SGPP1: variants seen among roughly 807,000 people sequenced by gnomAD.
SGPP1 encodes the protein sphingosine-1-phosphate phosphatase 1.
SGPP1 carries 21 observed loss-of-function variants against 33.0 expected under a neutral mutation model. That is an observed-to-expected ratio of 0.64 (90% CI 0.45 to 0.92). The LOEUF is 0.92. Among genes scored for constraint, SGPP1 ranks in the 40% least tolerant of loss-of-function variants. The pLI, the probability that SGPP1 is intolerant of heterozygous loss-of-function variation, is 0.00. For missense variants in SGPP1, 543 were observed against 589.4 expected (o/e 0.92, Z 0.81); for synonymous variants, 239 against 241.2 (o/e 0.99, Z 0.08).
chr14:63,710,922 G>A (rs1885507424), intron 1 of SGPP1, among the ~76,000 whole-genome samples: 1 of 152,086 alleles, frequency 6.6e-6, no homozygotes, highest in Admixed American at 6.6e-5. Flanking sequence ...TATAAATGGG[G>A]ATACTAAGAC....
chr14:63,707,320 T>C (rs1885436080), intron 1 of SGPP1, among the ~76,000 whole-genome samples: 1 of 152,006 alleles, frequency 6.6e-6, no homozygotes, highest in African/African-American at 2.4e-5. Flanking sequence ...AATCTTACGT[T>C]AAAAAAACAG....
chr14:63,701,671 G>T (rs867497087), intron 1 of SGPP1, among the ~76,000 whole-genome samples: 1 of 152,078 alleles, frequency 6.6e-6, no homozygotes, highest in African/African-American at 2.4e-5. Context: ...AGTAGAGCCT[G>T]GGAGGCCACC....
intron 1 of SGPP1, among the ~76,000 whole-genome samples, chr14:63,711,321 A>G (rs1260844160): frequency 6.6e-6 from 1 of 152,092 alleles, no homozygotes; most frequent in Non-Finnish European, 1.5e-5. Flanking sequence ...GGCCATTAAG[A>G]TTGTTTTCTA....
intron 2 of SGPP1, among the ~76,000 whole-genome samples, chr14:63,690,167 G>A (rs1001191457): frequency 6.6e-6 from 1 of 152,148 alleles, no homozygotes; most frequent in Non-Finnish European, 1.5e-5. Flanking sequence ...AGCCTCCTGA[G>A]TAACTGGGAC....
At chr14:63,693,261 C>G (rs902258328) in intron 2 of SGPP1, among the ~76,000 whole-genome samples, 2 of 152,234 alleles carry the variant, frequency 1.3e-5, no homozygotes, top group African/African-American at 2.4e-5. Context: ...GCCCAAATTG[C>G]CAAAATAACT....
chr14:63,699,691 C>T (rs1265664648), intron 1 of SGPP1, among the ~76,000 whole-genome samples: 1 of 151,722 alleles, frequency 6.6e-6, no homozygotes, highest in Admixed American at 6.6e-5. Context: ...ATCCTCCTGC[C>T]TTAGCCTCCT....
intron 1 of SGPP1, among the ~76,000 whole-genome samples, chr14:63,720,701 G>A (rs1049019646): frequency 9.9e-5 from 15 of 152,104 alleles, no homozygotes; most frequent in African/African-American, 2.6e-4. Flanking sequence ...CGGAGGTTGC[G>A]GTGAGCCAAG....
intron 1 of SGPP1, among the ~76,000 whole-genome samples, chr14:63,707,357 A>G (rs1277430980): frequency 6.6e-6 from 1 of 152,090 alleles, no homozygotes; most frequent in Non-Finnish European, 1.5e-5. Context: ...CCTATTAAGG[A>G]AAGAATCTGT....
chr14:63,707,795 G>C (rs900320085), intron 1 of SGPP1, among the ~76,000 whole-genome samples: 1 of 151,888 alleles, frequency 6.6e-6, no homozygotes, highest in Non-Finnish European at 1.5e-5. Flanking sequence ...CATCTGCTTC[G>C]AGGCTCCAGA....
At chr14:63,687,651 G>T (rs1386957257) in intron 2 of SGPP1, among the ~76,000 whole-genome samples, 1 of 152,156 alleles carries the variant, frequency 6.6e-6, no homozygotes, top group Non-Finnish European at 1.5e-5. Flanking sequence ...ACCAGGTAGA[G>T]GGAATATCAA....
intron 2 of SGPP1, among the ~76,000 whole-genome samples, chr14:63,691,444 T>C (rs1162489038): frequency 6.6e-6 from 1 of 152,220 alleles, no homozygotes; most frequent in African/African-American, 2.4e-5. Flanking sequence ...CTATTATATA[T>C]TCTTTGAGAT....
At chr14:63,703,867 G>C (rs1048049293) in intron 1 of SGPP1, among the ~76,000 whole-genome samples, 5 of 146,216 alleles carry the variant, frequency 3.4e-5, no homozygotes, top group African/African-American at 1.3e-4. Context: ...ACCCAGGCTG[G>C]AGTGCAATCT....
In SGPP1 at chr14:63,725,566, G is replaced by T. The variant is rs575806062; in HGVS notation, c.684+1695C>A. On this transcript the variant is annotated intron_variant, in intron 1 of 2. Transcript: ENST00000247225. ...TTCAAAGTCTAAAATTCTATGATAC[G>T]CAAATTTCTTAAACTTTGAGTTAAA... Among the ~76,000 whole-genome samples the T allele has an allele frequency of 2.0e-5, 3 of 152,212 alleles. No individual in the cohort carries two copies. In the South Asian group the frequency reaches 6.2e-4, roughly 32 times the overall value.
rs1274324018 is a variant in SGPP1 at position 63,684,394 on chromosome 14, C to T, written c.*1711G>A. The stretch of plus-strand genomic sequence containing the variant: ...GGTCCCTAAAATTCAATTCATTAAA[C>T]ATACATTTTGAAAGTAAAGCTCTTT... On this transcript the variant is annotated 3_prime_UTR_variant, in exon 3 of 3. Transcript: ENST00000247225. 1 of 152,164 alleles carries T rather than the reference C, an allele frequency of 6.6e-6. No homozygotes were observed. Among genetic ancestry groups the T allele is most frequent in the East Asian group, 1.9e-4 (1 of 5,186 alleles). The allele number at this position is 152,164 out of a possible 1,614,324, so 9.4% of individuals were successfully genotyped here. A position where few individuals can be genotyped will look rare whatever the true frequency, so the allele number is the denominator to read the frequency against.
chr14:63,717,354 G>A (rs1370461237), intron 1 of SGPP1, among the ~76,000 whole-genome samples: 7 of 146,752 alleles, frequency 4.8e-5, no homozygotes, highest in South Asian at 2.1e-4. Context: ...TCACTCTGTC[G>A]CTCACGCTGG....
At chr14:63,725,857 TAA>T (rs1885867808) in intron 1 of SGPP1, among the ~76,000 whole-genome samples, 1 of 152,186 alleles carries the variant, frequency 6.6e-6, no homozygotes, top group Non-Finnish European at 1.5e-5. Flanking sequence ...CTCACGAAAA[TAA>T]GAGAAACATC....
At position 63,685,381 on chromosome 14, in the gene SGPP1, C is replaced by G. The variant is rs1394199057; in HGVS notation, c.*724G>C. 1 of 152,400 alleles carries G rather than the reference C, an allele frequency of 6.6e-6. No individual in the cohort carries two copies. The highest frequency in any genetic ancestry group is 2.4e-5 in the African/African-American group (1 of 41,420). The allele number at this position is 152,400 out of a possible 1,614,324, so 9.4% of individuals were successfully genotyped here. A position where few individuals can be genotyped will look rare whatever the true frequency, so the allele number is the denominator to read the frequency against. ...GGCACAATTAGCAAGCAATAAAATT[C>G]AGTACCTGAATTATTAAACTGACAT... On this transcript the variant is annotated 3_prime_UTR_variant, in exon 3 of 3. Transcript: ENST00000247225.
intron 1 of SGPP1, among the ~76,000 whole-genome samples, chr14:63,715,395 A>G (rs1885602515): frequency 1.3e-5 from 2 of 152,168 alleles, no homozygotes; most frequent in Non-Finnish European, 2.9e-5. Flanking sequence ...GTATGCTTAT[A>G]AAAATATGTA....
At chr14:63,719,496 T>C (rs1261185557) in intron 1 of SGPP1, among the ~76,000 whole-genome samples, 1 of 151,970 alleles carries the variant, frequency 6.6e-6, no homozygotes, top group Non-Finnish European at 1.5e-5. Flanking sequence ...GCCTATATTC[T>C]TTGACATAGT....
Sources: allele counts gnomAD v4.1 joint callset (sites outside exome capture counted in the v4.1 genomes callset), GRCh38; gene constraint gnomAD v4.1.1; transcripts MANE v1.5; gene names NCBI Gene and HGNC (gene_info 2026-07-23, HGNC 2026-07-21).